Variants in CNTNAP2 observed in about 807,000 individuals in gnomAD.
The protein encoded by CNTNAP2 is contactin associated protein 2.
A neutral mutation model predicts 155.2 loss-of-function variants in CNTNAP2; 98 were observed. The observed-to-expected ratio is 0.63, with a 90% confidence interval of 0.54 to 0.75. The LOEUF is 0.75. CNTNAP2 is among the 30% of genes least tolerant of loss of function. The pLI is 0.00. For synonymous variants in CNTNAP2, 651 were observed against 631.2 expected, an observed-to-expected ratio of 1.03 and a Z score of -0.47; for missense variants, 1,727 against 1,688.1, an observed-to-expected ratio of 1.02 and a Z score of -0.40.
intron 1 of CNTNAP2, among the ~76,000 whole-genome samples, chr7:146,276,093 T>C (rs531737852): frequency 6.6e-6 from 1 of 152,186 alleles, no homozygotes; most frequent in Non-Finnish European, 1.5e-5. Context: ...TCCTAGAGAC[T>C]AGTACGTGAA....
At chr7:146,404,139 A>AAAAC (rs1554429095) in intron 1 of CNTNAP2, among the ~76,000 whole-genome samples, 1,786 of 147,426 alleles carry the variant, frequency 0.012, 102 homozygotes, top group African/African-American at 0.043. Context: ...AAAAAAAAAA[A>AAAAC]AAACAAAGAA....
chr7:147,379,734 A>G (rs114466276), intron 9 of CNTNAP2, among the ~76,000 whole-genome samples: 1,895 of 152,026 alleles, frequency 0.012, 36 homozygotes, highest in African/African-American at 0.044. Context: ...TGAATTTAGC[A>G]TTTTTAGGTT....
intron 11 of CNTNAP2, among the ~76,000 whole-genome samples, chr7:147,532,328 A>G (rs1799454756): frequency 6.6e-6 from 1 of 152,232 alleles, no homozygotes; most frequent in Non-Finnish European, 1.5e-5. Flanking sequence ...TCTTTGCTAA[A>G]CATAACAAAA....
At chr7:148,303,332 G>T (rs1285551195) in intron 21 of CNTNAP2, among the ~76,000 whole-genome samples, 1 of 152,170 alleles carries the variant, frequency 6.6e-6, no homozygotes, top group Non-Finnish European at 1.5e-5. Flanking sequence ...GCACATAGAA[G>T]GTGCTCAGTA....
At chr7:147,632,043 C>A (rs574422749) in intron 12 of CNTNAP2, among the ~76,000 whole-genome samples, 45 of 152,272 alleles carry the variant, frequency 3.0e-4, no homozygotes, top group African/African-American at 8.9e-4. Flanking sequence ...AGTAAACAGA[C>A]AACCCACAGT....
At chr7:147,224,451 A>G (rs749840315) in intron 8 of CNTNAP2, among the ~76,000 whole-genome samples, 1 of 152,214 alleles carries the variant, frequency 6.6e-6, no homozygotes, top group Non-Finnish European at 1.5e-5. Context: ...AATATTTACT[A>G]TAACCCTTTA....
At chr7:147,130,774 C>G (rs916677441) in intron 7 of CNTNAP2, among the ~76,000 whole-genome samples, 4 of 152,050 alleles carry the variant, frequency 2.6e-5, no homozygotes, top group Non-Finnish European at 5.9e-5. Flanking sequence ...TGCATTGACT[C>G]CAAAGTCAGC....
intron 3 of CNTNAP2, among the ~76,000 whole-genome samples, chr7:146,973,440 T>G (rs1225459302): frequency 1.3e-5 from 2 of 152,166 alleles, no homozygotes; most frequent in Non-Finnish European, 2.9e-5. Context: ...TATTAGCCAG[T>G]ATTATTGTAA....
At chr7:146,119,220 T>A (rs1223407046) in intron 1 of CNTNAP2, among the ~76,000 whole-genome samples, 1 of 152,030 alleles carries the variant, frequency 6.6e-6, no homozygotes, top group East Asian at 1.9e-4. Flanking sequence ...AAACTATCAT[T>A]TTTCTTTGGT....
At chr7:147,795,910 C>T (rs963309929) in intron 13 of CNTNAP2, among the ~76,000 whole-genome samples, 9 of 152,112 alleles carry the variant, frequency 5.9e-5, no homozygotes, top group Non-Finnish European at 1.2e-4. Context: ...TACATAAGCA[C>T]ATAAGCCAGG....
intron 11 of CNTNAP2, among the ~76,000 whole-genome samples, chr7:147,505,361 G>T (rs966656931): frequency 2.7e-5 from 4 of 147,270 alleles, no homozygotes; most frequent in Non-Finnish European, 4.4e-5. Flanking sequence ...ACAATAAAAT[G>T]TTGCCATGCG....
intron 3 of CNTNAP2, among the ~76,000 whole-genome samples, chr7:147,040,707 C>T (rs1472730145): frequency 6.6e-6 from 1 of 151,960 alleles, no homozygotes; most frequent in African/African-American, 2.4e-5. Flanking sequence ...GCGATCAGCC[C>T]ACCTTGGTCT....
intron 8 of CNTNAP2, among the ~76,000 whole-genome samples, chr7:147,134,886 T>C (rs1341652875): frequency 6.6e-6 from 1 of 151,802 alleles, no homozygotes; most frequent in African/African-American, 2.4e-5. Context: ...ATTGAAAGAA[T>C]TTAGAAAATG....
At chr7:148,328,274 A>G (rs1702448510) in intron 21 of CNTNAP2, among the ~76,000 whole-genome samples, 1 of 151,316 alleles carries the variant, frequency 6.6e-6, no homozygotes, top group African/African-American at 2.5e-5. Flanking sequence ...TGGCCCGGGA[A>G]AGCTGGAGGA....
At chr7:146,157,965 C>A (rs1798154622) in intron 1 of CNTNAP2, among the ~76,000 whole-genome samples, 3 of 152,192 alleles carry the variant, frequency 2.0e-5, no homozygotes, top group Admixed American at 2.0e-4. Flanking sequence ...CCCGAGTAGC[C>A]TAACTAGGAG....
At chr7:147,177,665 T>C (rs535625898) in intron 8 of CNTNAP2, among the ~76,000 whole-genome samples, 17 of 152,272 alleles carry the variant, frequency 1.1e-4, no homozygotes, top group African/African-American at 3.9e-4. Flanking sequence ...CTTCATATTC[T>C]TCTCTTCAAA....
At position 148,237,474 on chromosome 7, in the gene CNTNAP2, A is replaced by G. The variant is rs76274900; in HGVS notation, c.3381+7695A>G. ...TGGAAGAGGGAGAAGGAGAGGGAAG[A>G]TGTGTGTTCCAAAAGAGAACATGAT... On this transcript the variant is annotated intron_variant, in intron 20 of 23. Coordinates refer to ENST00000361727, the MANE Select transcript of CNTNAP2 (RefSeq NM_014141.6). 2.7e-3 allele frequency among the ~76,000 whole-genome samples: 414 copies of G among 152,280 alleles called. 2 individuals carry two copies. Among genetic ancestry groups the G allele is most frequent in the African/African-American group, 8.7e-3 (363 of 41,562 alleles).
chr7:147,007,862 C>A (rs1798552966), intron 3 of CNTNAP2, among the ~76,000 whole-genome samples: 1 of 152,010 alleles, frequency 6.6e-6, no homozygotes, highest in East Asian at 1.9e-4. Context: ...ATACTTATTT[C>A]CTTAATAGCT....
intron 12 of CNTNAP2, among the ~76,000 whole-genome samples, chr7:147,603,391 A>T (rs528686081): frequency 6.6e-6 from 1 of 152,244 alleles, no homozygotes; most frequent in South Asian, 2.1e-4. Flanking sequence ...TACAAAATCA[A>T]TGTACAAAAA....
Sources: gnomAD v4.1 joint callset for allele counts (sites outside exome capture counted in the v4.1 genomes callset) on GRCh38, gnomAD v4.1.1 for gene constraint, MANE v1.5 for transcripts, NCBI Gene and HGNC (gene_info 2026-07-23, HGNC 2026-07-21) for gene names.